Variants in POLI observed in about 807,000 individuals in gnomAD.
The protein encoded by POLI is DNA polymerase iota, also known as RAD30 homolog B.
POLI carries 58 observed loss-of-function variants against 51.6 expected under a neutral mutation model. The ratio of observed to expected loss-of-function variants is 1.12; its 90% CI spans 0.91 to 1.40. The LOEUF (loss-of-function observed/expected upper bound fraction) is 1.40. Among genes scored for constraint, POLI ranks in the 40% most tolerant of loss-of-function variants. The probability of loss-of-function intolerance (pLI) is 0.00; values close to 1 mark genes in which losing one functional copy is unlikely to be tolerated. For missense variants in POLI, 921 were observed against 871.3 expected (o/e 1.06, Z -0.72); for synonymous variants, 322 against 299.7 (o/e 1.07, Z -0.77).
chr18:54,283,230 A>G (rs538598408), intron 6 of POLI, among the ~76,000 whole-genome samples: 2 of 152,270 alleles, frequency 1.3e-5, no homozygotes, highest in Admixed American at 6.5e-5. Flanking sequence ...GTTAGCTACT[A>G]TGATTGAAGA....
downstream of POLI, among the ~76,000 whole-genome samples, chr18:54,302,247 G>A (rs2088505596): frequency 6.6e-6 from 1 of 152,092 alleles, no homozygotes; most frequent in African/African-American, 2.4e-5. Flanking sequence ...AACAATGTGG[G>A]GAAAGGGACT....
intron 3 of POLI, among the ~76,000 whole-genome samples, chr18:54,311,606 C>G (rs1161757252): frequency 6.6e-6 from 1 of 152,138 alleles, no homozygotes; most frequent in Non-Finnish European, 1.5e-5. Flanking sequence ...TCTATTTAGG[C>G]TTAGCCAGAC....
At chr18:54,279,724 G>A (rs1445012722) in intron 4 of POLI, among the ~76,000 whole-genome samples, 1 of 152,156 alleles carries the variant, frequency 6.6e-6, no homozygotes, top group Non-Finnish European at 1.5e-5. Flanking sequence ...ATGGTTTCAT[G>A]TCATTCCAAC....
At chr18:54,300,555 G>C (rs1233121336), downstream of POLI, among the ~76,000 whole-genome samples, 3 of 151,946 alleles carry the variant, frequency 2.0e-5, no homozygotes, top group Non-Finnish European at 1.5e-5. Context: ...GGAGAGAAAA[G>C]AGGAATAGGA....
intron 9 of POLI, among the ~76,000 whole-genome samples, chr18:54,292,765 T>C (rs969166448): frequency 1.3e-5 from 2 of 152,242 alleles, no homozygotes; most frequent in Non-Finnish European, 2.9e-5. Context: ...GGATAGTGTA[T>C]GGAAATAGTG....
chr18:54,301,341 A>G (rs374856379), downstream of POLI, among the ~76,000 whole-genome samples: 163 of 152,058 alleles, frequency 1.1e-3, 4 homozygotes, highest in South Asian at 0.03. Context: ...TGAACATACA[A>G]AAAAAAATCA....
chr18:54,271,847 C>T (rs1227816446), intron 2 of POLI, among the ~76,000 whole-genome samples: 5 of 152,124 alleles, frequency 3.3e-5, no homozygotes, highest in Non-Finnish European at 7.4e-5. Context: ...TGGAAGTGTT[C>T]GTCTGTCCTC....
In POLI at chr18:54,282,907, T is replaced by A. The variant is rs143700892; in HGVS notation, c.867T>A (p.Phe289Leu). Residue 289 changes from phenylalanine to leucine, a missense_variant, in exon 6 of 10, where the codon TTT becomes TTA. Coordinates refer to ENST00000579534, the MANE Select transcript of POLI (RefSeq NM_007195.3). ...GINSVRDLQTFSPKILEKELG... is the reference protein window; with the variant it reads ...GINSVRDLQTLSPKILEKELG... ...ATAGTGTGCGTGATCTCCAAACCTT[T>A]TCACCCAAAATTTTAGAAAAAGAAT... 1,779 of 1,594,854 alleles carry A rather than the reference T, an allele frequency of 1.1e-3. 2 individuals are homozygous for A. Among genetic ancestry groups the A allele is most frequent in the Non-Finnish European group, 1.4e-3 (1,592 of 1,169,578 alleles).
Position 54,296,489 on chromosome 18 carries a change from T to A in POLI, c.*2022T>A. ...ACTGTATTATTTGGAAGTGCGAATTTATTTTTATTCTTAGTATATACTGGC... is the reference window on the plus strand; with the variant it reads ...ACTGTATTATTTGGAAGTGCGAATTAATTTTTATTCTTAGTATATACTGGC... On this transcript the variant is annotated 3_prime_UTR_variant, in exon 10 of 10. Transcript: ENST00000579534. 1 of 452,920 alleles carries A rather than the reference T, an allele frequency of 2.2e-6. No individual in the cohort carries two copies. The highest frequency in any genetic ancestry group is 2.9e-6 in the Non-Finnish European group (1 of 343,370). The allele number at this position is 452,920 out of a possible 1,614,324, so 28.1% of individuals were successfully genotyped here.
Position 54,294,610 on chromosome 18 carries a change from A to C in POLI, c.*143A>C. ...CAGATAAAGCAAGAATAGTTGCAAG[A>C]AGTAAATTCTGGCACAAAGCGTAAA... On this transcript the variant is annotated 3_prime_UTR_variant, in exon 10 of 10. Coordinates refer to ENST00000579534, the MANE Select transcript of POLI (RefSeq NM_007195.3). The C allele has an allele frequency of 7.7e-7, 1 of 1,298,332 alleles. No individual in the cohort carries two copies. Among genetic ancestry groups the C allele is most frequent in the South Asian group, 2.9e-5 (1 of 34,586 alleles). The allele number at this position is 1,298,332 out of a possible 1,614,324, so 80.4% of individuals were successfully genotyped here.
At chr18:54,272,185 A>C (rs1418673886) in intron 2 of POLI, 4 of 152,162 alleles carry the variant, frequency 2.6e-5, no homozygotes, top group Admixed American at 6.5e-5. Context: ...ATAAATCCCA[A>C]TCCAGCCTAG....
chr18:54,269,773 G>A (rs2086917586), intron 1 of POLI, 112 bp downstream of exon 1: 3 of 1,391,524 alleles, frequency 2.2e-6, no homozygotes, highest in African/African-American at 1.5e-5. Flanking sequence ...CGCCCCACTC[G>A]GCTCCTCTAA....
Position 54,297,206 on chromosome 18 carries a change from G to A in POLI, c.*2739G>A. The A allele has an allele frequency of 1.0e-6, 1 of 985,006 alleles. No homozygotes were observed. The highest frequency in any genetic ancestry group is 1.7e-5 in the African/African-American group (1 of 57,202). The allele number at this position is 985,006 out of a possible 1,614,324, so 61.0% of individuals were successfully genotyped here. On this transcript the variant is annotated 3_prime_UTR_variant, in exon 10 of 10. Transcript: ENST00000579534. ...AGATGCTGTTAGCTATCTGCCTCCA[G>A]GGATAAACCCCATCTTTCAAGCTTG... is the stretch of plus-strand genomic sequence containing the variant.
At position 54,295,337 on chromosome 18, in the gene POLI, T is replaced by C; in HGVS notation, c.*870T>C. 1.0e-6 allele frequency: 1 copy of C among 984,868 alleles called. No homozygotes were observed. Among genetic ancestry groups the C allele is most frequent in the Non-Finnish European group, 1.2e-6 (1 of 829,400 alleles). The allele number at this position is 984,868 out of a possible 1,614,324, so 61.0% of individuals were successfully genotyped here. ...TCATAACAACCACAAATATAGACCATTACTAAATTGGTGGATGTCCTCTTT... is the reference window on the plus strand; with the variant it reads ...TCATAACAACCACAAATATAGACCACTACTAAATTGGTGGATGTCCTCTTT... On this transcript the variant is annotated 3_prime_UTR_variant, in exon 10 of 10. Transcript: ENST00000579534.
At chr18:54,289,090 G>A (rs2087876257) in intron 8 of POLI, among the ~76,000 whole-genome samples, 1 of 151,338 alleles carries the variant, frequency 6.6e-6, no homozygotes, top group Admixed American at 6.6e-5. Context: ...TTCTTGTAGG[G>A]TTTTTTCTTT....
chr18:54,308,669 A>G (rs1021069248), intron 3 of POLI, among the ~76,000 whole-genome samples: 5 of 152,210 alleles, frequency 3.3e-5, no homozygotes, highest in African/African-American at 4.8e-5. Flanking sequence ...AATATCCTGA[A>G]GAGTGTTTTC....
intron 7 of POLI, among the ~76,000 whole-genome samples, chr18:54,286,033 A>C (rs962336450): frequency 1.3e-5 from 2 of 151,702 alleles, no homozygotes; most frequent in Non-Finnish European, 2.9e-5. Flanking sequence ...AGCCTAGCTA[A>C]TTTTTAAATT....
intron 3 of POLI, among the ~76,000 whole-genome samples, chr18:54,309,403 A>G (rs142003607): frequency 3.6e-3 from 551 of 152,280 alleles, no homozygotes; most frequent in Non-Finnish European, 6.7e-3. Context: ...TTTCCTGGGT[A>G]TCACCAGCGG....
chr18:54,288,810 G>T (rs1359075793), intron 8 of POLI, among the ~76,000 whole-genome samples: 1 of 151,536 alleles, frequency 6.6e-6, no homozygotes, highest in Non-Finnish European at 1.5e-5. Flanking sequence ...TTATATGTTT[G>T]GTTTTGTTTC....
Sources: gnomAD v4.1 joint callset for allele counts (sites outside exome capture counted in the v4.1 genomes callset) on GRCh38, gnomAD v4.1.1 for gene constraint, MANE v1.5 for transcripts, NCBI Gene and HGNC (gene_info 2026-07-23, HGNC 2026-07-21) for gene names.